The following PKN2 variants were observed in gnomAD, a reference collection of about 807,000 sequenced individuals.
The protein encoded by PKN2 is serine/threonine-protein kinase N2.
PKN2 carries 38 observed loss-of-function variants against 119.1 expected under a neutral mutation model. That is an observed-to-expected ratio of 0.32 (90% CI 0.25 to 0.42). The LOEUF (loss-of-function observed/expected upper bound fraction) is 0.42. Ranked by LOEUF, PKN2 falls within the 10% of genes least tolerant of loss-of-function variation. The pLI, the probability that PKN2 is intolerant of heterozygous loss-of-function variation, is 1.00. For synonymous variants in PKN2, 390 were observed against 384.9 expected (o/e 1.01, Z -0.15); for missense variants, 850 against 1,165.1 (o/e 0.73, Z 3.94).
In PKN2 at chr1:88,774,111, G is replaced by A. The variant is rs980464453; in HGVS notation, c.985+2232G>A. Among the ~76,000 whole-genome samples the A allele has an allele frequency of 1.6e-4, 24 of 152,152 alleles. 1 individual carries two copies. The highest frequency in any genetic ancestry group is 5.9e-4 in the Admixed American group (9 of 15,284). ...TAGGACCTTCATGGCTCACTGCAGC[G>A]AAAAGAAAATAAACATAAAGGGGGA... On this transcript the variant is annotated intron_variant, in intron 6 of 21. Coordinates refer to ENST00000370521, the MANE Select transcript of PKN2 (RefSeq NM_006256.4).
At chr1:88,714,836 T>G (rs1319984399) in intron 1 of PKN2, among the ~76,000 whole-genome samples, 1 of 152,228 alleles carries the variant, frequency 6.6e-6, no homozygotes, top group Non-Finnish European at 1.5e-5. Flanking sequence ...AGAGAGGGCA[T>G]CCCTGTCTTG....
chr1:88,831,947 CTCTT>C lies in PKN2; in HGVS notation c.2563-795_2563-792del, dbSNP rs558594399. On this transcript the variant is annotated intron_variant, in intron 19 of 21. Transcript: ENST00000370521. The stretch of plus-strand genomic sequence containing the variant: ...GTTTTTAGCATAGTTGAAAGTTTCT[CTCTT>C]TGTGAATCAAATTGTCATACTGAAT... Among the ~76,000 whole-genome samples the C allele has an allele frequency of 1.9e-3, 287 of 152,096 alleles. 2 individuals carry two copies. The highest frequency in any genetic ancestry group is 6.0e-3 in the South Asian group (29 of 4,820).
At position 88,786,197 on chromosome 1, in the gene PKN2, C is replaced by T. The variant is rs754858176; in HGVS notation, c.1265C>T (p.Thr422Ile). Reference sequence around the variant, plus strand: ...AATCAGTCATGGGACCAGAAGTTTACACTGGAACTGGACAGGGTAAGAGGA... The same window carrying T: ...AATCAGTCATGGGACCAGAAGTTTATACTGGAACTGGACAGGGTAAGAGGA... ...ISNQSWDQKF[T>I]LELDRSRELE... The change falls in exon 8 of 22, where the codon ACA becomes ATA. Residue 422 changes from threonine to isoleucine, a missense_variant. Around this residue, in one of 9 missense-constraint regions of PKN2, gnomAD observed 350 missense variants for 511.1 expected, o/e 0.68. Transcript: ENST00000370521. The T allele has an allele frequency of 4.4e-6, 7 of 1,581,788 alleles. No individual in the cohort carries two copies. In the Admixed American group the frequency reaches 8.3e-5, roughly 19 times the overall value.
At chr1:88,825,922 A>G (rs751774439) in intron 18 of PKN2, among the ~76,000 whole-genome samples, 2 of 152,158 alleles carry the variant, frequency 1.3e-5, no homozygotes, top group Non-Finnish European at 2.9e-5. Flanking sequence ...AACTGCTTAT[A>G]GTCTGTGTCC....
intron 17 of PKN2, among the ~76,000 whole-genome samples, chr1:88,822,537 G>C (rs547923614): frequency 5.9e-5 from 9 of 151,800 alleles, no homozygotes; most frequent in African/African-American, 2.2e-4. Context: ...TTATGAGAAG[G>C]CTAGTCAGAA....
At chr1:88,817,572 G>A (rs868345125) in intron 16 of PKN2, among the ~76,000 whole-genome samples, 68 of 151,982 alleles carry the variant, frequency 4.5e-4, no homozygotes, top group African/African-American at 1.5e-3. Context: ...GCTGGGTGTG[G>A]CGGTGTAGGC....
chr1:88,726,434 A>T (rs1052380729), intron 1 of PKN2, among the ~76,000 whole-genome samples: 5 of 152,030 alleles, frequency 3.3e-5, no homozygotes, highest in Non-Finnish European at 5.9e-5. Context: ...TGATCATGTG[A>T]TTTTTTAAAT....
chr1:88,749,201 T>G (rs1668889422), intron 2 of PKN2, among the ~76,000 whole-genome samples: 1 of 152,158 alleles, frequency 6.6e-6, no homozygotes, highest in South Asian at 2.1e-4. Context: ...GAAGAAGTCT[T>G]CTCTACTAGG....
chr1:88,747,635 GATA>G (rs952150659), intron 2 of PKN2, among the ~76,000 whole-genome samples: 8 of 152,160 alleles, frequency 5.3e-5, no homozygotes, highest in Admixed American at 3.3e-4. Context: ...ATTAAGTATA[GATA>G]ATAATTTGGG....
intron 16 of PKN2, among the ~76,000 whole-genome samples, chr1:88,814,749 A>C (rs542799030): frequency 6.6e-6 from 1 of 152,308 alleles, no homozygotes; most frequent in African/African-American, 2.4e-5. Context: ...TCAAACTATT[A>C]GCAAGTCCAG....
chr1:88,691,882 TTTA>T (rs1235026541), intron 1 of PKN2, among the ~76,000 whole-genome samples: 8 of 152,202 alleles, frequency 5.3e-5, no homozygotes, highest in East Asian at 1.9e-4. Flanking sequence ...ATTGTTCTAT[TTTA>T]TTATTAGTTA....
At chr1:88,774,046 C>G (rs1015291282) in intron 6 of PKN2, among the ~76,000 whole-genome samples, 5 of 152,062 alleles carry the variant, frequency 3.3e-5, no homozygotes, top group Admixed American at 6.5e-5. Flanking sequence ...CAGGGAAGCA[C>G]TATACTTAGG....
chr1:88,697,900 T>C (rs1666606941), intron 1 of PKN2, among the ~76,000 whole-genome samples: 1 of 152,242 alleles, frequency 6.6e-6, no homozygotes, highest in African/African-American at 2.4e-5. Context: ...CTTAAGAATA[T>C]TTTCTATCTC....
intron 1 of PKN2, among the ~76,000 whole-genome samples, chr1:88,696,461 T>G (rs909066271): frequency 1.3e-5 from 2 of 152,228 alleles, no homozygotes; most frequent in African/African-American, 4.8e-5. Flanking sequence ...CTCTGTATAC[T>G]GGTTCTCTTT....
intron 19 of PKN2, among the ~76,000 whole-genome samples, chr1:88,830,420 A>G (rs1272750392): frequency 5.9e-5 from 9 of 152,160 alleles, no homozygotes; most frequent in Non-Finnish European, 1.3e-4. Context: ...AATCTGCTGT[A>G]AGCTCTGGCA....
chr1:88,730,941 A>G (rs1668124413), intron 1 of PKN2, among the ~76,000 whole-genome samples: 1 of 152,252 alleles, frequency 6.6e-6, no homozygotes, highest in Non-Finnish European at 1.5e-5. Context: ...CCATAACACA[A>G]CATTCTAACT....
At chr1:88,802,874 T>G (rs1238235756) in intron 8 of PKN2, among the ~76,000 whole-genome samples, 2 of 152,194 alleles carry the variant, frequency 1.3e-5, no homozygotes, top group African/African-American at 4.8e-5. Flanking sequence ...CAAGTCTTCC[T>G]TGTAACAGTG....
At chr1:88,784,382 T>A (rs982186566) in intron 6 of PKN2, among the ~76,000 whole-genome samples, 1 of 152,040 alleles carries the variant, frequency 6.6e-6, no homozygotes, top group African/African-American at 2.4e-5. Context: ...AGTGCTAGGA[T>A]TACAGGCGAG....
intron 8 of PKN2, among the ~76,000 whole-genome samples, chr1:88,789,021 CAG>C (rs1221107788): frequency 6.6e-6 from 1 of 152,082 alleles, no homozygotes; most frequent in South Asian, 2.1e-4. Context: ...ATATTAGAAA[CAG>C]AGAAGAGCCC....
Sources: gnomAD v4.1 joint callset for allele counts (sites outside exome capture counted in the v4.1 genomes callset) on GRCh38, gnomAD v4.1.1 for gene constraint, gnomAD v4.1.1 regional missense constraint, MANE v1.5 for transcripts, NCBI Gene and HGNC (gene_info 2026-07-23, HGNC 2026-07-21) for gene names.